The following ARFGEF1 variants were observed in gnomAD, a reference collection of about 807,000 sequenced individuals.
ARFGEF1 encodes the protein brefeldin A-inhibited guanine nucleotide-exchange protein 1.
Under a neutral mutation model 231.0 loss-of-function variants are expected in ARFGEF1, and 42 were observed. The observed-to-expected ratio is 0.18, with a 90% CI of 0.14 to 0.24. The LOEUF (loss-of-function observed/expected upper bound fraction) is 0.24, where lower values mean the gene tolerates loss of function less well. Among genes scored for constraint, ARFGEF1 ranks in the 10% least tolerant of loss-of-function variants. ARFGEF1 has a pLI of 1.00. For synonymous variants in ARFGEF1, 710 were observed against 732.3 expected (o/e 0.97, Z 0.49); for missense variants, 1,345 against 2,192.0 (o/e 0.61, Z 7.72).
chr8:67,259,315 C>T (rs1363284240), intron 15 of ARFGEF1, among the ~76,000 whole-genome samples: 7 of 152,220 alleles, frequency 4.6e-5, no homozygotes, highest in African/African-American at 1.7e-4. Context: ...CAACCTCCAC[C>T]TCCTGGGTTC....
At chr8:67,298,467 G>A (rs145046850) in intron 4 of ARFGEF1, among the ~76,000 whole-genome samples, 2 of 152,310 alleles carry the variant, frequency 1.3e-5, no homozygotes, top group African/African-American at 2.4e-5. Flanking sequence ...AGAATTGGCG[G>A]ATAAGTAGTG....
chr8:67,254,383 G>A lies in ARFGEF1; in HGVS notation c.2527-761C>T, dbSNP rs565620075. On this transcript the variant is annotated intron_variant, in intron 17 of 38. Transcript: ENST00000262215. ...TTTATTTAATTAAATATATTTCTAC[G>A]TCTTATATGATGTCTCTGAAGAGGT... 1.1e-4 allele frequency among the ~76,000 whole-genome samples: 16 copies of A among 152,102 alleles called. No homozygotes were observed. In the East Asian group the frequency reaches 2.1e-3, roughly 20 times the overall value.
chr8:67,218,695 T>C (rs1008020464), intron 30 of ARFGEF1, among the ~76,000 whole-genome samples: 3 of 152,036 alleles, frequency 2.0e-5, no homozygotes, highest in Non-Finnish European at 4.4e-5. Flanking sequence ...TACTGCTGTA[T>C]GGAACAAAAG....
At chr8:67,288,088 C>T (rs562136829) in intron 6 of ARFGEF1, 23 bp from the exon 7 acceptor site, 2 of 1,500,012 alleles carry the variant, frequency 1.3e-6, no homozygotes, top group South Asian at 1.2e-5. Context: ...AAAAATTCAA[C>T]AGAACATTAT....
At chr8:67,271,017 T>A in intron 10 of ARFGEF1, among the ~76,000 whole-genome samples, 1 of 73,184 alleles carries the variant, frequency 1.4e-5, no homozygotes. Context: ...AGAGGGAAAC[T>A]CCATCTCCAA....
chr8:67,272,820 CTT>C (rs941313490), intron 9 of ARFGEF1, among the ~76,000 whole-genome samples: 3 of 151,898 alleles, frequency 2.0e-5, no homozygotes, highest in Non-Finnish European at 4.4e-5. Context: ...CAATTAAAAA[CTT>C]TAAGGCCAGG....
intron 20 of ARFGEF1, 144 bp from the exon 21 acceptor site, chr8:67,239,037 C>CAAAA: frequency 4.7e-6 from 3 of 643,966 alleles, no homozygotes; most frequent in Non-Finnish European, 6.9e-6. Flanking sequence ...GACAGAGTCT[C>CAAAA]ACCCTGTCGC....
chr8:67,222,188 T>TATATATATATATATATATATAC, intron 29 of ARFGEF1, among the ~76,000 whole-genome samples: 1 of 136,164 alleles, frequency 7.3e-6, no homozygotes, highest in South Asian at 2.3e-4. Flanking sequence ...TACACATATA[T>TATATATATATATATATATATAC]ATATATATAT....
intron 5 of ARFGEF1, among the ~76,000 whole-genome samples, chr8:67,293,656 G>C (rs1303764933): frequency 6.6e-6 from 1 of 152,102 alleles, no homozygotes; most frequent in Non-Finnish European, 1.5e-5. Flanking sequence ...AAATACAAAA[G>C]AGAATGTATA....
intron 5 of ARFGEF1, among the ~76,000 whole-genome samples, chr8:67,189,982 T>C (rs553365888): frequency 1.3e-5 from 2 of 152,274 alleles, no homozygotes; most frequent in African/African-American, 4.8e-5. Flanking sequence ...TGTGGGGAAA[T>C]TGGAACCCTC....
At position 67,227,991 on chromosome 8, in the gene ARFGEF1, C is replaced by G. The variant is rs760613968; in HGVS notation, c.3563G>C (p.Trp1188Ser). ...GRIRLQWSRI[W>S]EVIGDHFNKV... ...ATTAAAATGATCTCCAATAACTTCC[C>G]AAATTCGAGACCACTGTAATCTTAT... The change falls in exon 25 of 39, where the codon TGG becomes TCG. Residue 1188 changes from tryptophan to serine, a missense_variant. Coordinates refer to ENST00000262215, the MANE Select transcript of ARFGEF1 (RefSeq NM_006421.5). 1 of 1,582,128 alleles carries G rather than the reference C, an allele frequency of 6.3e-7. No individual in the cohort carries two copies. Among genetic ancestry groups the G allele is most frequent in the Non-Finnish European group, 8.5e-7 (1 of 1,171,634 alleles).
intron 5 of ARFGEF1, among the ~76,000 whole-genome samples, chr8:67,181,246 C>T (rs967996583): frequency 2.0e-5 from 3 of 151,626 alleles, no homozygotes; most frequent in Non-Finnish European, 1.5e-5. Context: ...CTATGTTGCC[C>T]AGGCTGGTCT....
At chr8:67,342,344 C>T (rs1808677679) in intron 1 of ARFGEF1, among the ~76,000 whole-genome samples, 1 of 152,218 alleles carries the variant, frequency 6.6e-6, no homozygotes, top group African/African-American at 2.4e-5. Flanking sequence ...CTTCATTACA[C>T]TAGATCTCTT....
At chr8:67,316,744 G>C (rs768833359) in intron 1 of ARFGEF1, among the ~76,000 whole-genome samples, 3 of 152,162 alleles carry the variant, frequency 2.0e-5, no homozygotes, top group Non-Finnish European at 4.4e-5. Context: ...ACAGGCATGG[G>C]CCACCATCCT....
chr8:67,293,201 T>C (rs1806083814), intron 5 of ARFGEF1, among the ~76,000 whole-genome samples: 1 of 152,116 alleles, frequency 6.6e-6, no homozygotes, highest in Non-Finnish European at 1.5e-5. Flanking sequence ...CAGAACTAAA[T>C]ATCCTTTGTA....
chr8:67,270,022 C>G (rs1015126295), intron 10 of ARFGEF1, among the ~76,000 whole-genome samples: 1 of 152,116 alleles, frequency 6.6e-6, no homozygotes. Flanking sequence ...TAAAGTATTA[C>G]AAAATTTTCT....
At chr8:67,336,868 C>T (rs574865895) in intron 1 of ARFGEF1, among the ~76,000 whole-genome samples, 54 of 151,974 alleles carry the variant, frequency 3.6e-4, no homozygotes, top group African/African-American at 1.2e-3. Flanking sequence ...CGGTGGCTCA[C>T]GCCTGTAATC....
chr8:67,210,154 C>CAAAAAAA (rs59530693), intron 34 of ARFGEF1, among the ~76,000 whole-genome samples: 1 of 53,876 alleles, frequency 1.9e-5, no homozygotes, highest in African/African-American at 5.8e-5. Flanking sequence ...GACTCCGTCT[C>CAAAAAAA]AAAAAAAAAA....
At chr8:67,286,404 T>C (rs950916638) in intron 7 of ARFGEF1, among the ~76,000 whole-genome samples, 1 of 152,218 alleles carries the variant, frequency 6.6e-6, no homozygotes, top group Non-Finnish European at 1.5e-5. Context: ...TATTGTTAGA[T>C]GCTGGTGAAT....
Sources: gnomAD v4.1 joint callset for allele counts (sites outside exome capture counted in the v4.1 genomes callset) on GRCh38, gnomAD v4.1.1 for gene constraint, MANE v1.5 for transcripts, NCBI Gene and HGNC (gene_info 2026-07-23, HGNC 2026-07-21) for gene names.